IDO2: variants seen among roughly 807,000 people sequenced by gnomAD.
IDO2 encodes the protein indoleamine 2,3-dioxygenase-like 1 protein.
In IDO2, 46 loss-of-function variants were observed where a neutral mutation model predicts 45.1. That is an observed-to-expected ratio of 1.02 (90% CI 0.80 to 1.30). The LOEUF (loss-of-function observed/expected upper bound fraction) is 1.30. IDO2 is among the 50% of genes most tolerant of loss of function. The probability of loss-of-function intolerance (pLI) is 0.00; values close to 1 mark genes in which losing one functional copy is unlikely to be tolerated. For missense variants in IDO2, 544 were observed against 491.8 expected (o/e 1.11, Z -1.00); for synonymous variants, 218 against 184.9 (o/e 1.18, Z -1.45).
In IDO2 at chr8:39,979,211, C is replaced by G. The variant is rs1388194686; in HGVS notation, c.315+25C>G. On this transcript the variant is annotated intron_variant, in intron 4 of 10. Transcript: ENST00000502986. ...GGTGAGGGCCAGAGAGCAGCTTCTC[C>G]TGTTACCCGGCAGGTTACCTGCGCC... 23 of 1,560,250 alleles carry G rather than the reference C, an allele frequency of 1.5e-5. 1 individual carries two copies. In the South Asian group the frequency reaches 2.6e-4, roughly 18 times the overall value.
At chr8:39,978,772 A>G (rs1427741554) in intron 3 of IDO2, among the ~76,000 whole-genome samples, 1 of 152,060 alleles carries the variant, frequency 6.6e-6, no homozygotes, top group Non-Finnish European at 1.5e-5. Context: ...ATTCCAGCCA[A>G]GCAGTGGCTT....
chr8:39,987,921 T>G (rs1206705682), exon 7 of IDO2: 6 of 1,611,884 alleles, frequency 3.7e-6, no homozygotes, highest in Non-Finnish European at 5.1e-6. Flanking sequence ...CTGCATGGTT[T>G]TATACTGGTG....
chr8:39,961,898 T>G (rs191806422), intron 2 of IDO2, among the ~76,000 whole-genome samples: 2 of 152,292 alleles, frequency 1.3e-5, no homozygotes, highest in African/African-American at 4.8e-5. Flanking sequence ...GGTTATGCAC[T>G]GAGAAAAAGA....
intron 4 of IDO2, among the ~76,000 whole-genome samples, chr8:39,980,411 T>C (rs186845604): frequency 1.3e-5 from 2 of 152,328 alleles, no homozygotes; most frequent in African/African-American, 2.4e-5. Flanking sequence ...AATACTGCTT[T>C]CTATCCAGCC....
In IDO2 at chr8:39,979,192, G is replaced by A. The variant is rs746746188; in HGVS notation, c.315+6G>A. ...GAGAGGCGCAGCCTGCAGAGGTGAG[G>A]GCCAGAGAGCAGCTTCTCCTGTTAC... is the stretch of plus-strand genomic sequence containing the variant. On this transcript the variant is annotated splice_donor_region_variant and intron_variant, in intron 4 of 10. Transcript: ENST00000502986. 4 of 1,574,730 alleles carry A rather than the reference G, an allele frequency of 2.5e-6. No individual in the cohort carries two copies. The Admixed American group carries it at 7.4e-5, about 29-fold the overall frequency.
At chr8:39,946,553 G>A (rs1782279505) in intron 1 of IDO2, among the ~76,000 whole-genome samples, 6 of 152,162 alleles carry the variant, frequency 3.9e-5, no homozygotes, top group African/African-American at 1.2e-4. Flanking sequence ...GTTACAGTGA[G>A]CCGAGATCAT....
At chr8:39,980,634 C>G (rs1808328426) in intron 4 of IDO2, among the ~76,000 whole-genome samples, 1 of 152,126 alleles carries the variant, frequency 6.6e-6, no homozygotes, top group Non-Finnish European at 1.5e-5. Flanking sequence ...CTGTGCCCAT[C>G]GTGTTTGCCT....
intron 4 of IDO2, among the ~76,000 whole-genome samples, chr8:39,981,861 C>T (rs1465991764): frequency 1.3e-5 from 2 of 152,146 alleles, no homozygotes; most frequent in African/African-American, 4.8e-5. Context: ...GATAGAGAAC[C>T]TCATACAGCT....
chr8:39,939,113 G>T lies in IDO2; in HGVS notation c.-18+3895G>T, dbSNP rs1207096415. Among the ~76,000 whole-genome samples, 4 of 152,020 alleles carry T rather than the reference G, an allele frequency of 2.6e-5. No individual in the cohort carries two copies. In the East Asian group the frequency reaches 7.7e-4, roughly 29 times the overall value. On this transcript the variant is annotated intron_variant, in intron 1 of 10. Coordinates refer to ENST00000502986, the Ensembl canonical transcript of IDO2. ...CTAAAAATACAAAAATTAGCCCGGT[G>T]TGGTGGCGGGCGCCTGCTACTCGGG...
chr8:39,983,540 T>C (rs1256469743), intron 5 of IDO2, among the ~76,000 whole-genome samples: 1 of 152,112 alleles, frequency 6.6e-6, no homozygotes, highest in African/African-American at 2.4e-5. Flanking sequence ...GGGTTACATA[T>C]TTAGTAGACA....
chr8:39,985,782 A>C, intron 6 of IDO2: 1 of 389,214 alleles, frequency 2.6e-6, no homozygotes, highest in Non-Finnish European at 4.6e-6. Context: ...AGTAATGTGC[A>C]ATGCAAACAA....
chr8:39,983,902 C>T lies in IDO2; in HGVS notation c.434+1132C>T, dbSNP rs901287644. 1.1e-4 allele frequency among the ~76,000 whole-genome samples: 17 copies of T among 151,962 alleles called. No homozygotes were observed. In the East Asian group the frequency reaches 1.6e-3, roughly 14 times the overall value. The stretch of plus-strand genomic sequence containing the variant: ...GTGCCCCATTGGAAGAAGTGAGATT[C>T]GGCCATCTCATCTCTCTCGGGAGCT... On this transcript the variant is annotated intron_variant, in intron 5 of 10. Coordinates refer to ENST00000502986, the Ensembl canonical transcript of IDO2.
At chr8:39,956,264 G>A (rs760219672) in intron 2 of IDO2, among the ~76,000 whole-genome samples, 2 of 151,924 alleles carry the variant, frequency 1.3e-5, no homozygotes, top group Non-Finnish European at 2.9e-5. Flanking sequence ...ATTTCCCCAT[G>A]TTGGCCAGGC....
At chr8:40,011,699 G>A (rs903768287) in intron 9 of IDO2, among the ~76,000 whole-genome samples, 1 of 152,154 alleles carries the variant, frequency 6.6e-6, no homozygotes, top group African/African-American at 2.4e-5. Flanking sequence ...CAGGCCCTGG[G>A]CAGGTATTAT....
At chr8:39,944,679 G>A (rs62513108) in intron 1 of IDO2, among the ~76,000 whole-genome samples, 29,874 of 152,022 alleles carry the variant, frequency 0.2, 3,180 homozygotes, top group South Asian at 0.32. Flanking sequence ...CCTGCACCTG[G>A]AACTGTTTAC....
At chr8:39,989,020 A>G (rs1808463940) in intron 7 of IDO2, among the ~76,000 whole-genome samples, 1 of 152,144 alleles carries the variant, frequency 6.6e-6, no homozygotes, top group African/African-American at 2.4e-5. Flanking sequence ...TGTTATAAAC[A>G]TACTACCTGA....
chr8:39,987,905 G>A (rs560180578), exon 7 of IDO2: 6 of 1,611,464 alleles, frequency 3.7e-6, no homozygotes, highest in Admixed American at 1.7e-5. Flanking sequence ...TCCTGGGGGA[G>A]AGAGCCTGCA....
chr8:39,967,684 C>T (rs1173870130), intron 3 of IDO2, among the ~76,000 whole-genome samples: 1 of 152,126 alleles, frequency 6.6e-6, no homozygotes. Context: ...GACGGGGTTT[C>T]ACCATGTTGG....
intron 8 of IDO2, among the ~76,000 whole-genome samples, chr8:39,992,222 T>C (rs139539524): frequency 6.6e-6 from 1 of 152,218 alleles, no homozygotes; most frequent in Admixed American, 6.5e-5. Flanking sequence ...CACAGACTTC[T>C]GAGGCAAGAC....
Sources: gnomAD v4.1 joint callset for allele counts (sites outside exome capture counted in the v4.1 genomes callset) on GRCh38, gnomAD v4.1.1 for gene constraint, MANE v1.5 for transcripts, NCBI Gene and HGNC (gene_info 2026-07-23, HGNC 2026-07-21) for gene names.